The following TNS3 variants were observed in gnomAD, a reference collection of about 807,000 sequenced individuals.
TNS3 encodes tensin 3.
In TNS3, 45 loss-of-function variants were observed where a neutral mutation model predicts 140.9. That is an observed-to-expected ratio of 0.32 (90% CI 0.25 to 0.41). TNS3 has a LOEUF of 0.41. TNS3 is among the 10% of genes least tolerant of loss of function. The probability of loss-of-function intolerance (pLI) is 1.00; values close to 1 mark genes in which losing one functional copy is unlikely to be tolerated. For missense variants in TNS3, 1,716 were observed against 1,906.7 expected (o/e 0.90, Z 1.86); for synonymous variants, 815 against 788.4 (o/e 1.03, Z -0.56).
intron 17 of TNS3, among the ~76,000 whole-genome samples, chr7:47,354,268 C>T (rs1388313794): frequency 1.3e-5 from 2 of 152,172 alleles, no homozygotes; most frequent in Non-Finnish European, 1.5e-5. Context: ...TGGCTGTCAC[C>T]TCTGGAAGGA....
chr7:47,574,579 A>C (rs1800629233), intron 1 of TNS3, among the ~76,000 whole-genome samples: 1 of 152,112 alleles, frequency 6.6e-6, no homozygotes, highest in Non-Finnish European at 1.5e-5. Context: ...GAAGTAACTG[A>C]AGTGTATCAA....
chr7:47,361,213 A>AAAAAAAAAAAAAAAAAAAAAAG (rs1425449483), intron 17 of TNS3, among the ~76,000 whole-genome samples: 1 of 145,698 alleles, frequency 6.9e-6, no homozygotes, highest in Non-Finnish European at 1.5e-5. Context: ...TGCCAAAAAA[A>AAAAAAAAAAAAAAAAAAAAAAG]AAAAAAAAAA....
At chr7:47,487,877 T>C (rs989019170) in intron 3 of TNS3, among the ~76,000 whole-genome samples, 3 of 152,222 alleles carry the variant, frequency 2.0e-5, no homozygotes, top group African/African-American at 7.2e-5. Flanking sequence ...GGCGCCAAGA[T>C]GGCAGTACTT....
At position 47,277,048 on chromosome 7, in the gene TNS3, A is replaced by C. The variant is rs1179571404; in HGVS notation, c.*1028T>G. 1.3e-5 allele frequency: 2 copies of C among 152,196 alleles called. No homozygotes were observed. Among genetic ancestry groups the C allele is most frequent in the African/African-American group, 2.4e-5 (1 of 41,436 alleles). 9.4% of individuals were successfully genotyped at this position (152,196 alleles called of 1,614,324 possible). A position where few individuals can be genotyped will look rare whatever the true frequency, so the allele number is the denominator to read the frequency against. ...AAGAAGTCATCCACAATCGGGGAAA[A>C]ACATTCCAATGAGTAAAACATCAGG... On this transcript the variant is annotated 3_prime_UTR_variant, in exon 31 of 31. Coordinates refer to ENST00000311160, the MANE Select transcript of TNS3 (RefSeq NM_022748.12).
intron 20 of TNS3, among the ~76,000 whole-genome samples, chr7:47,337,510 A>G (rs968626817): frequency 2.0e-5 from 3 of 152,268 alleles, no homozygotes; most frequent in African/African-American, 7.2e-5. Flanking sequence ...AATTAGAAAG[A>G]GCAGTCAGGC....
intron 2 of TNS3, among the ~76,000 whole-genome samples, chr7:47,527,416 T>C (rs1799237174): frequency 6.6e-6 from 1 of 152,036 alleles, no homozygotes; most frequent in South Asian, 2.1e-4. Context: ...CCCACAGACA[T>C]TTTAGAGCAA....
At chr7:47,308,675 G>A (rs1230723784) in intron 20 of TNS3, among the ~76,000 whole-genome samples, 1 of 152,170 alleles carries the variant, frequency 6.6e-6, no homozygotes, top group Non-Finnish European at 1.5e-5. Flanking sequence ...AAGGCCTGGA[G>A]TCATGCTCCA....
intron 1 of TNS3, chr7:47,579,887 C>T: frequency 2.0e-6 from 2 of 983,232 alleles, no homozygotes; most frequent in Non-Finnish European, 2.4e-6. Flanking sequence ...TCCCCTTCAG[C>T]AACACCTCCT....
intron 17 of TNS3, among the ~76,000 whole-genome samples, chr7:47,354,079 G>A (rs1789844360): frequency 6.6e-6 from 1 of 151,144 alleles, no homozygotes; most frequent in Admixed American, 6.6e-5. Flanking sequence ...AATGAGATTG[G>A]GCAGTTTGAA....
intron 20 of TNS3, among the ~76,000 whole-genome samples, chr7:47,322,232 A>AAAAAAAAAAAC: frequency 6.6e-6 from 1 of 151,376 alleles, no homozygotes; most frequent in African/African-American, 2.4e-5. Context: ...AAAAAAAAAA[A>AAAAAAAAAAAC]AAAAGCAAAG....
At chr7:47,430,727 CTTT>C (rs34682970) in intron 8 of TNS3, among the ~76,000 whole-genome samples, 1 of 145,228 alleles carries the variant, frequency 6.9e-6, no homozygotes. Context: ...AGTATTTTTT[CTTT>C]TTTTTTTTTT....
chr7:47,394,805 G>C (rs1291253756), intron 16 of TNS3, among the ~76,000 whole-genome samples: 1 of 152,234 alleles, frequency 6.6e-6, no homozygotes, highest in Non-Finnish European at 1.5e-5. Flanking sequence ...CCACCTGTGA[G>C]TGACATGCTG....
intron 3 of TNS3, among the ~76,000 whole-genome samples, chr7:47,494,848 G>C (rs966480498): frequency 2.6e-5 from 4 of 152,100 alleles, no homozygotes; most frequent in African/African-American, 9.7e-5. Flanking sequence ...CTTTACAAAA[G>C]GGGGGAAGGG....
At chr7:47,281,148 A>C (rs902027771) in intron 28 of TNS3, among the ~76,000 whole-genome samples, 1 of 152,194 alleles carries the variant, frequency 6.6e-6, no homozygotes, top group Non-Finnish European at 1.5e-5. Flanking sequence ...GAGAGCACTG[A>C]GTGAACAATA....
chr7:47,519,146 G>A (rs374268786), intron 2 of TNS3, among the ~76,000 whole-genome samples: 1 of 152,076 alleles, frequency 6.6e-6, no homozygotes, highest in Admixed American at 6.5e-5. Context: ...CTGCTGCTTC[G>A]TCTCAGGGCG....
At chr7:47,577,434 C>T (rs967171213) in intron 1 of TNS3, among the ~76,000 whole-genome samples, 2 of 152,160 alleles carry the variant, frequency 1.3e-5, no homozygotes, top group African/African-American at 2.4e-5. Context: ...CTGGGGCTGG[C>T]GCACTGGCTG....
chr7:47,525,701 C>T lies in TNS3; in HGVS notation c.-153+3335G>A, dbSNP rs138543430. ...ATTCACTCAGACGCATGCACGCATGCACACACATGCAATCACAGGTGTGTG... is the reference window on the plus strand; with the variant it reads ...ATTCACTCAGACGCATGCACGCATGTACACACATGCAATCACAGGTGTGTG... On this transcript the variant is annotated intron_variant, in intron 2 of 30. Transcript: ENST00000311160. Among the ~76,000 whole-genome samples, 381 of 152,364 alleles carry T rather than the reference C, an allele frequency of 2.5e-3. 1 individual carries two copies. The highest frequency in any genetic ancestry group is 8.9e-3 in the African/African-American group (371 of 41,584).
intron 2 of TNS3, among the ~76,000 whole-genome samples, chr7:47,526,636 A>C (rs974622814): frequency 6.6e-6 from 1 of 152,224 alleles, no homozygotes; most frequent in Non-Finnish European, 1.5e-5. Context: ...TCTGACAGGC[A>C]GAAGTCAGTT....
At chr7:47,365,546 A>T (rs1790646102) in intron 17 of TNS3, among the ~76,000 whole-genome samples, 1 of 151,994 alleles carries the variant, frequency 6.6e-6, no homozygotes, top group Admixed American at 6.6e-5. Flanking sequence ...GGCGGATCAC[A>T]AGGTCAGGAG....
Sources: gnomAD v4.1 joint callset for allele counts (sites outside exome capture counted in the v4.1 genomes callset) on GRCh38, gnomAD v4.1.1 for gene constraint, MANE v1.5 for transcripts, NCBI Gene and HGNC (gene_info 2026-07-23, HGNC 2026-07-21) for gene names.